The following EPHB1 variants were observed in gnomAD, a reference collection of about 807,000 sequenced individuals.
EPHB1 encodes EPH receptor B1.
EPHB1 carries 30 observed loss-of-function variants against 94.4 expected under a neutral mutation model. That is an observed-to-expected ratio of 0.32 (90% confidence interval 0.24 to 0.43). The LOEUF (loss-of-function observed/expected upper bound fraction) is 0.43, where lower values mean the gene tolerates loss of function less well. Ranked by LOEUF, EPHB1 falls within the 20% of genes least tolerant of loss-of-function variation. The probability of loss-of-function intolerance (pLI) is 1.00; values close to 1 mark genes in which losing one functional copy is unlikely to be tolerated. For synonymous variants in EPHB1, 522 were observed against 489.1 expected, an observed-to-expected ratio of 1.07 and a Z score of -0.89; for missense variants, 1,055 against 1,308.3, an observed-to-expected ratio of 0.81 and a Z score of 2.99.
At chr3:135,178,831 C>G (rs1173504176) in intron 9 of EPHB1, among the ~76,000 whole-genome samples, 4 of 152,108 alleles carry the variant, frequency 2.6e-5, no homozygotes, top group Admixed American at 2.0e-4. Flanking sequence ...GACAGCAGTA[C>G]CTGGCAGAGA....
At chr3:134,811,255 T>TTTTTTTTTTTTTTG (rs2036172990) in intron 1 of EPHB1, among the ~76,000 whole-genome samples, 1 of 132,334 alleles carries the variant, frequency 7.6e-6, no homozygotes. Context: ...TTTTTTTTTT[T>TTTTTTTTTTTTTTG]TTTTTTTTCT....
At chr3:135,072,497 C>T (rs536963899) in intron 3 of EPHB1, among the ~76,000 whole-genome samples, 8 of 152,154 alleles carry the variant, frequency 5.3e-5, no homozygotes, top group East Asian at 1.9e-4. Flanking sequence ...AACCTGACTC[C>T]GTTCTGCTCT....
intron 3 of EPHB1, among the ~76,000 whole-genome samples, chr3:135,024,872 C>T (rs1352683856): frequency 6.6e-6 from 1 of 151,964 alleles, no homozygotes; most frequent in Admixed American, 6.6e-5. Context: ...TTTATCAATG[C>T]TGAGGATTTG....
intron 3 of EPHB1, among the ~76,000 whole-genome samples, chr3:135,030,530 C>G (rs1231414763): frequency 2.0e-5 from 3 of 152,334 alleles, no homozygotes; most frequent in Non-Finnish European, 4.4e-5. Context: ...CCCAGTTAGG[C>G]TGGTCGGGGG....
intron 1 of EPHB1, among the ~76,000 whole-genome samples, chr3:134,910,085 C>T (rs1042714788): frequency 6.6e-6 from 1 of 152,190 alleles, no homozygotes; most frequent in Non-Finnish European, 1.5e-5. Flanking sequence ...GGAATGATTC[C>T]ATAAAATGTT....
chr3:134,843,914 GCTTT>G (rs759555794), intron 1 of EPHB1, among the ~76,000 whole-genome samples: 20 of 152,024 alleles, frequency 1.3e-4, no homozygotes, highest in African/African-American at 4.3e-4. Flanking sequence ...TCTATTGATT[GCTTT>G]CTTTCTTGAG....
chr3:134,855,397 C>T (rs934317688), intron 1 of EPHB1, among the ~76,000 whole-genome samples: 3 of 152,176 alleles, frequency 2.0e-5, no homozygotes, highest in African/African-American at 7.2e-5. Flanking sequence ...GGGTTTCAGA[C>T]ACACTGGAGA....
chr3:135,065,187 A>C (rs1359129261), intron 3 of EPHB1, among the ~76,000 whole-genome samples: 1 of 152,076 alleles, frequency 6.6e-6, no homozygotes, highest in Non-Finnish European at 1.5e-5. Context: ...CAGTTGTTGG[A>C]TGGAATCTTC....
In EPHB1 at chr3:135,135,630, A is replaced by G. The variant is rs909402572; in HGVS notation, c.1297+2581A>G. ...CCTGAGCTGGTCCACTCTAGCTCAC[A>G]CTGGGTCAGATCTAGCTCAGTCTTC... On this transcript the variant is annotated intron_variant, in intron 5 of 15. Transcript: ENST00000398015. Among the ~76,000 whole-genome samples, 4 of 152,182 alleles carry G rather than the reference A, an allele frequency of 2.6e-5. No individual in the cohort carries two copies. In the South Asian group the frequency reaches 6.2e-4, roughly 24 times the overall value.
intron 1 of EPHB1, among the ~76,000 whole-genome samples, chr3:134,882,765 C>CCTTTCTTTCTTTCTTTCTTTCTTT (rs1553861896): frequency 1.8e-4 from 14 of 79,880 alleles, no homozygotes; most frequent in African/African-American, 5.8e-4. Context: ...TTCCTTCCTT[C>CCTTTCTTTCTTTCTTTCTTTCTTT]CTTTCTTTCT....
chr3:135,024,343 T>G (rs931480638), intron 3 of EPHB1, among the ~76,000 whole-genome samples: 1 of 152,238 alleles, frequency 6.6e-6, no homozygotes, highest in Non-Finnish European at 1.5e-5. Context: ...TTGGGTGGAA[T>G]GAAAACAGGG....
intron 4 of EPHB1, among the ~76,000 whole-genome samples, chr3:135,122,565 C>T (rs950033789): frequency 3.3e-5 from 5 of 152,092 alleles, no homozygotes; most frequent in African/African-American, 1.2e-4. Context: ...TAAATACCTC[C>T]CTACTGAGGT....
At chr3:135,019,028 A>C (rs1238251229) in intron 3 of EPHB1, among the ~76,000 whole-genome samples, 1 of 152,056 alleles carries the variant, frequency 6.6e-6, no homozygotes, top group Non-Finnish European at 1.5e-5. Context: ...GTCTGTGAGC[A>C]CCACGTGTTC....
intron 1 of EPHB1, among the ~76,000 whole-genome samples, chr3:134,847,342 A>G (rs2036895261): frequency 6.6e-6 from 1 of 152,220 alleles, no homozygotes; most frequent in Non-Finnish European, 1.5e-5. Context: ...TAGGACAGCC[A>G]CCAGCCTATT....
At chr3:134,946,794 C>T (rs371112544) in intron 2 of EPHB1, among the ~76,000 whole-genome samples, 1 of 151,618 alleles carries the variant, frequency 6.6e-6, no homozygotes, top group East Asian at 1.9e-4. Context: ...GCCTGCTCCT[C>T]CACCTTCCTC....
intron 3 of EPHB1, among the ~76,000 whole-genome samples, chr3:134,978,240 G>A (rs1464507394): frequency 6.6e-6 from 1 of 152,118 alleles, no homozygotes; most frequent in Non-Finnish European, 1.5e-5. Context: ...CTAAGCCACT[G>A]TAGTTGGGCT....
At chr3:135,007,672 G>T (rs909337850) in intron 3 of EPHB1, among the ~76,000 whole-genome samples, 1 of 152,100 alleles carries the variant, frequency 6.6e-6, no homozygotes, top group Non-Finnish European at 1.5e-5. Flanking sequence ...CAAGGCTCCC[G>T]ATTTATAATT....
chr3:134,972,537 A>G (rs977223444), intron 3 of EPHB1, among the ~76,000 whole-genome samples: 3 of 90,472 alleles, frequency 3.3e-5, no homozygotes, highest in Non-Finnish European at 6.4e-5. Context: ...TTATAAATAT[A>G]TATTATTATA....
chr3:134,965,436 A>G (rs950941356), intron 3 of EPHB1, among the ~76,000 whole-genome samples: 3 of 152,096 alleles, frequency 2.0e-5, no homozygotes, highest in Admixed American at 1.3e-4. Context: ...GAGGTGGCTC[A>G]TGCCTGTAGT....
Sources: allele counts gnomAD v4.1 joint callset (sites outside exome capture counted in the v4.1 genomes callset), GRCh38; gene constraint gnomAD v4.1.1; transcripts MANE v1.5; gene names NCBI Gene and HGNC (gene_info 2026-07-23, HGNC 2026-07-21).